NTRK3: variants seen among roughly 807,000 people sequenced by gnomAD.
NTRK3 encodes neurotrophic receptor tyrosine kinase 3.
A neutral mutation model predicts 91.7 loss-of-function variants in NTRK3; 24 were observed. That is an observed-to-expected ratio of 0.26 (90% CI 0.19 to 0.37). NTRK3 has a LOEUF of 0.37. NTRK3 is among the 10% of genes least tolerant of loss of function. The pLI is 1.00. For synonymous variants in NTRK3, 483 were observed against 404.0 expected (o/e 1.20, Z -2.34); for missense variants, 880 against 1,068.9 (o/e 0.82, Z 2.46).
chr15:88,070,756 C>T (rs2047026396), intron 13 of NTRK3, among the ~76,000 whole-genome samples: 1 of 152,104 alleles, frequency 6.6e-6, no homozygotes, highest in African/African-American at 2.4e-5. Context: ...TGAGCCAGCA[C>T]CACAGCAAAA....
intron 5 of NTRK3, among the ~76,000 whole-genome samples, chr15:88,159,293 C>G (rs750699067): frequency 1.3e-5 from 2 of 152,196 alleles, no homozygotes; most frequent in African/African-American, 2.4e-5. Context: ...ATTAGGCCAA[C>G]GCTGCATCCA....
chr15:88,062,432 T>TA (rs1245942561), intron 13 of NTRK3, among the ~76,000 whole-genome samples: 2 of 152,188 alleles, frequency 1.3e-5, no homozygotes, highest in Non-Finnish European at 2.9e-5. Context: ...CAATGGGATA[T>TA]AAACAGAAGT....
At chr15:88,075,166 C>G (rs2047426670) in intron 13 of NTRK3, among the ~76,000 whole-genome samples, 1 of 152,180 alleles carries the variant, frequency 6.6e-6, no homozygotes, top group Admixed American at 6.5e-5. Flanking sequence ...CCTCAGCTGC[C>G]TGGATCAGCT....
chr15:87,898,724 G>A (rs971124815), intron 17 of NTRK3, among the ~76,000 whole-genome samples: 26 of 149,562 alleles, frequency 1.7e-4, no homozygotes, highest in South Asian at 8.5e-4. Flanking sequence ...TGTGGCTCAC[G>A]CCTGTAATCC....
chr15:88,216,953 G>A (rs1018305632), intron 3 of NTRK3, among the ~76,000 whole-genome samples: 1 of 152,182 alleles, frequency 6.6e-6, no homozygotes, highest in Admixed American at 6.5e-5. Flanking sequence ...TGAACTCAGT[G>A]GTTTGAAGTT....
intron 13 of NTRK3, among the ~76,000 whole-genome samples, chr15:88,092,063 T>C (rs1467100691): frequency 6.6e-6 from 1 of 152,240 alleles, no homozygotes; most frequent in Non-Finnish European, 1.5e-5. Flanking sequence ...ACCATGGCTC[T>C]GAAGCCCACT....
chr15:88,056,175 CAT>C (rs71462431), intron 13 of NTRK3, among the ~76,000 whole-genome samples: 3,529 of 57,178 alleles, frequency 0.062, 166 homozygotes, highest in African/African-American at 0.18. Flanking sequence ...AGACTGTTTT[CAT>C]ATATATATAT....
intron 14 of NTRK3, among the ~76,000 whole-genome samples, chr15:87,965,108 G>A (rs977492750): frequency 2.0e-5 from 3 of 152,214 alleles, no homozygotes; most frequent in Admixed American, 1.3e-4. Context: ...GCATGTGCAC[G>A]TGGAATGATT....
intron 5 of NTRK3, among the ~76,000 whole-genome samples, chr15:88,181,425 G>A (rs961239267): frequency 6.6e-6 from 1 of 152,140 alleles, no homozygotes; most frequent in Admixed American, 6.5e-5. Flanking sequence ...ACCCACTTCA[G>A]AGCCACCTGC....
At chr15:88,017,612 A>G (rs546023953) in intron 14 of NTRK3, among the ~76,000 whole-genome samples, 1 of 152,244 alleles carries the variant, frequency 6.6e-6, no homozygotes, top group Admixed American at 6.5e-5. Flanking sequence ...ACAAAGGAAT[A>G]TATGTGAAGG....
At chr15:87,981,127 A>AATATATG in intron 14 of NTRK3, 1 of 1,541,100 alleles carries the variant, frequency 6.5e-7, no homozygotes, top group Non-Finnish European at 8.8e-7. Context: ...CAGTCCACGA[A>AATATATG]ATATATGGAG....
chr15:88,158,341 G>C (rs1283311364), intron 5 of NTRK3, among the ~76,000 whole-genome samples: 1 of 152,186 alleles, frequency 6.6e-6, no homozygotes, highest in East Asian at 1.9e-4. Flanking sequence ...ATTCAGTAAA[G>C]TCTGAGTTCA....
chr15:87,995,342 G>C (rs149017189), intron 14 of NTRK3, among the ~76,000 whole-genome samples: 2 of 152,272 alleles, frequency 1.3e-5, no homozygotes, highest in Non-Finnish European at 2.9e-5. Context: ...AGAGTGCTAG[G>C]GCATTCCTAA....
chr15:88,188,413 G>A (rs963877172), intron 3 of NTRK3, among the ~76,000 whole-genome samples: 4 of 152,202 alleles, frequency 2.6e-5, no homozygotes, highest in Admixed American at 6.5e-5. Context: ...ATGGCCTACA[G>A]TGGGTAGAGA....
intron 14 of NTRK3, among the ~76,000 whole-genome samples, chr15:88,013,404 G>C (rs2077018458): frequency 6.6e-6 from 1 of 152,244 alleles, no homozygotes; most frequent in East Asian, 1.9e-4. Flanking sequence ...CTGAGGATAA[G>C]AAGCCATACA....
chr15:87,917,544 A>C (rs1320226725), intron 17 of NTRK3, among the ~76,000 whole-genome samples: 2 of 152,196 alleles, frequency 1.3e-5, no homozygotes, highest in Non-Finnish European at 2.9e-5. Flanking sequence ...TGCAATTTAA[A>C]AATCCATCCT....
intron 14 of NTRK3, among the ~76,000 whole-genome samples, chr15:87,950,699 A>T (rs2071026225): frequency 6.6e-6 from 1 of 152,244 alleles, no homozygotes; most frequent in South Asian, 2.1e-4. Context: ...GGATTCAGTG[A>T]AATCATGTGT....
chr15:88,152,903 A>G (rs2043524966), intron 5 of NTRK3, among the ~76,000 whole-genome samples: 1 of 152,174 alleles, frequency 6.6e-6, no homozygotes, highest in Non-Finnish European at 1.5e-5. Context: ...AAGATTATTA[A>G]AAGAGATAAC....
At chr15:88,108,095 A>G (rs1019519016) in intron 13 of NTRK3, among the ~76,000 whole-genome samples, 2 of 152,196 alleles carry the variant, frequency 1.3e-5, no homozygotes, top group Non-Finnish European at 2.9e-5. Flanking sequence ...AGCAATTCCA[A>G]TCTGAAAGTA....
Sources: gnomAD v4.1 joint callset for allele counts (sites outside exome capture counted in the v4.1 genomes callset) on GRCh38, gnomAD v4.1.1 for gene constraint, MANE v1.5 for transcripts, NCBI Gene and HGNC (gene_info 2026-07-23, HGNC 2026-07-21) for gene names.